The following MYOM3 variants were observed in gnomAD, a reference collection of about 807,000 sequenced individuals.
The protein encoded by MYOM3 is myomesin-3.
A neutral mutation model predicts 191.7 loss-of-function variants in MYOM3; 155 were observed. That is an observed-to-expected ratio of 0.81 (90% CI 0.71 to 0.92). The LOEUF is 0.92. Among genes scored for constraint, MYOM3 ranks in the 40% least tolerant of loss-of-function variants. MYOM3 has a pLI of 0.00. For missense variants in MYOM3, 1,889 were observed against 1,890.6 expected (o/e 1.00, Z 0.02); for synonymous variants, 757 against 762.9 (o/e 0.99, Z 0.13).
chr1:24,063,281 G>A lies in MYOM3; in HGVS notation c.3662-47C>T. ...ATGAATCTTCCCTGAGGCCATTTAG[G>A]CATCAGATTTTGGGGCCGGCTTGTC... On this transcript the variant is annotated intron_variant, in intron 31 of 36. Coordinates refer to ENST00000374434, the MANE Select transcript of MYOM3 (RefSeq NM_152372.4). The surrounding 1 kb of genome is among the most constrained non-coding windows in gnomAD (Gnocchi z 4.5). The A allele has an allele frequency of 1.3e-6, 2 of 1,546,200 alleles. No homozygotes were observed. The highest frequency in any genetic ancestry group is 1.1e-5 in the South Asian group (1 of 89,702).
intron 5 of MYOM3, among the ~76,000 whole-genome samples, chr1:24,100,911 C>T (rs1643907461): frequency 6.6e-6 from 1 of 151,444 alleles, no homozygotes; most frequent in African/African-American, 2.4e-5. Flanking sequence ...AGGAAAAAAT[C>T]TCCATGTTCA....
intron 10 of MYOM3, 38 bp downstream of exon 10, chr1:24,092,909 G>A (rs1643857141): frequency 6.8e-7 from 1 of 1,463,894 alleles, no homozygotes; most frequent in African/African-American, 1.4e-5. Context: ...CTGGTCTCTG[G>A]GCTCCTGCTG....
rs372383979 is a variant in MYOM3 at position 24,089,622 on chromosome 1, G to T, written c.1530C>A (p.Ser510Arg). The T allele has an allele frequency of 6.3e-7, 1 of 1,594,188 alleles. No individual in the cohort carries two copies. Among genetic ancestry groups the T allele is most frequent in the Admixed American group, 1.8e-5 (1 of 56,550 alleles). ...GAACCACATAGGCCTCTCGGATCTC[G>T]CTGGCATGGACATTGGTTGGCGGTG... Reference protein sequence around the residue: ...IPSPPTNVHASEIREAYVVLA... With the variant: ...IPSPPTNVHAREIREAYVVLA... Residue 510 changes from serine (S) to arginine (R), a missense_variant, in exon 14 of 37, where the codon AGC (serine) becomes AGA (arginine). By Grantham distance (110) the Ser-to-Arg change is moderately radical. Transcript: ENST00000374434.
intron 33 of MYOM3, 25 bp from the exon 34 acceptor site, chr1:24,061,334 G>A: frequency 6.2e-7 from 1 of 1,612,354 alleles, no homozygotes; most frequent in Non-Finnish European, 8.5e-7. Flanking sequence ...GAGGAGAATG[G>A]GGGCCATCAG....
chr1:24,097,976 C>G lies in MYOM3; in HGVS notation c.692G>C (p.Arg231Pro), dbSNP rs534387919. ...GGCCTGGCCGTGGGCGTTCTTCACT[C>G]GCACAGTGTAAGTTGCTGAGTCCTC... ...AIEDSATYTV[R>P]VKNAHGQASS... The change falls in exon 7 of 37, where the codon CGA (arginine) becomes CCA (proline). Residue 231 changes from arginine to proline, a missense_variant. Arg to Pro is a moderately radical substitution (Grantham distance 103). Coordinates refer to ENST00000374434, the MANE Select transcript of MYOM3 (RefSeq NM_152372.4). The G allele has an allele frequency of 3.7e-6, 6 of 1,613,962 alleles. No individual in the cohort carries two copies. Among genetic ancestry groups the G allele is most frequent in the African/African-American group, 1.3e-5 (1 of 75,028 alleles).
At chr1:24,060,268 G>T (rs1643353647) in intron 35 of MYOM3, among the ~76,000 whole-genome samples, 1 of 152,138 alleles carries the variant, frequency 6.6e-6, no homozygotes, top group African/African-American at 2.4e-5. Context: ...GCTTCTCACT[G>T]CATGGCCACT....
intron 25 of MYOM3, 65 bp from the exon 26 acceptor site, chr1:24,068,432 A>G (rs1412803239): frequency 6.3e-7 from 1 of 1,594,868 alleles, no homozygotes; most frequent in Non-Finnish European, 8.6e-7. Flanking sequence ...GGTACACATC[A>G]GAGTGTAGTG....
rs372132357 is a variant in MYOM3 at position 24,089,698 on chromosome 1, T to C, written c.1487-33A>G. 5.2e-6 allele frequency: 8 copies of C among 1,547,248 alleles called. No homozygotes were observed. In the African/African-American group the frequency reaches 8.1e-5, roughly 16 times the overall value. ...CAGAGTCACCCGGGACCGAGATGGT[T>C]GGACCCTCAGAGACCCCCTAATCTC... On this transcript the variant is annotated intron_variant, in intron 13 of 36. Transcript: ENST00000374434.
chr1:24,071,282 G>A, intron 24 of MYOM3, 29 bp from the exon 25 acceptor site: 1 of 1,593,506 alleles, frequency 6.3e-7, no homozygotes, highest in Non-Finnish European at 8.6e-7. Flanking sequence ...GAAGGGGGTG[G>A]GTTGGACCCC....
At chr1:24,110,513 G>A (rs1644029874) in intron 1 of MYOM3, among the ~76,000 whole-genome samples, 1 of 152,182 alleles carries the variant, frequency 6.6e-6, no homozygotes, top group African/African-American at 2.4e-5. Context: ...GGGGCATGTG[G>A]TGGAGGTGTC....
intron 2 of MYOM3, 54 bp from the exon 3 acceptor site, chr1:24,108,127 C>T: frequency 6.4e-7 from 1 of 1,557,492 alleles, no homozygotes. Flanking sequence ...CTGGGGGCTC[C>T]CTGAGATTAG....
In MYOM3 at chr1:24,108,657, G is replaced by A. The variant is rs772078793; in HGVS notation, c.-18-3C>T. ...GTCATGGTTACGAGAGCAACAACCT[G>A]TGAAGGCCAAGGTCCACGGTCATTC... On this transcript the variant is annotated splice_region_variant and splice_polypyrimidine_tract_variant and intron_variant, in intron 1 of 36. Transcript: ENST00000374434. The A allele has an allele frequency of 8.5e-6, 13 of 1,533,732 alleles. No individual in the cohort carries two copies. Among genetic ancestry groups the A allele is most frequent in the Non-Finnish European group, 1.1e-5 (13 of 1,142,426 alleles).
At chr1:24,066,895 G>T in intron 28 of MYOM3, 126 bp downstream of exon 28, 1 of 846,220 alleles carries the variant, frequency 1.2e-6, no homozygotes, top group Non-Finnish European at 1.8e-6. Context: ...CTTTCTGTGT[G>T]TGCGATCAGC....
At chr1:24,102,236 C>G (rs1380807249) in intron 5 of MYOM3, among the ~76,000 whole-genome samples, 1 of 152,168 alleles carries the variant, frequency 6.6e-6, no homozygotes, top group Non-Finnish European at 1.5e-5. Context: ...GCCTGGCCCC[C>G]TCCTGAAAGG....
At chr1:24,102,206 G>A (rs779989634) in intron 5 of MYOM3, among the ~76,000 whole-genome samples, 3 of 152,138 alleles carry the variant, frequency 2.0e-5, no homozygotes, top group Non-Finnish European at 2.9e-5. Context: ...CCACACCCAC[G>A]CCCCACCATG....
Position 24,092,130 on chromosome 1 carries a change from G to A in MYOM3, c.1232+44C>T, listed in dbSNP as rs982079527. The stretch of plus-strand genomic sequence containing the variant: ...TTGCTGTGGCTCCCACCACCAGACA[G>A]AATTCTACCCCTAGGGCCTCTGCCA... On this transcript the variant is annotated intron_variant, in intron 11 of 36. Coordinates refer to ENST00000374434, the MANE Select transcript of MYOM3 (RefSeq NM_152372.4). The A allele has an allele frequency of 2.1e-6, 3 of 1,404,956 alleles. No individual in the cohort carries two copies. In the African/African-American group the frequency reaches 4.5e-5, roughly 21 times the overall value. 87.0% of individuals were successfully genotyped at this position (1,404,956 alleles called of 1,614,324 possible).
At chr1:24,090,215 A>G in intron 12 of MYOM3, 97 bp from the exon 13 acceptor site, 1 of 1,010,500 alleles carries the variant, frequency 9.9e-7, no homozygotes. Flanking sequence ...GCCCCGTCCC[A>G]GTCCTGGCCT....
chr1:24,068,179 A>AGGGCG, intron 26 of MYOM3, 44 bp downstream of exon 26: 1 of 976,754 alleles, frequency 1.0e-6, no homozygotes, highest in Non-Finnish European at 1.4e-6. Context: ...TGTGCGGGGC[A>AGGGCG]GGGCGGGGCA....
chr1:24,080,791 G>C (rs2148550689), intron 19 of MYOM3, among the ~76,000 whole-genome samples: 1 of 152,290 alleles, frequency 6.6e-6, no homozygotes, highest in African/African-American at 2.4e-5. Flanking sequence ...CTGAGGTAGA[G>C]GTTTTGTGTA....
Sources: gnomAD v4.1 joint callset for allele counts (sites outside exome capture counted in the v4.1 genomes callset) on GRCh38, gnomAD v4.1.1 for gene constraint, Gnocchi (gnomAD v3.1) non-coding constraint, MANE v1.5 for transcripts, NCBI Gene and HGNC (gene_info 2026-07-23, HGNC 2026-07-21) for gene names.